Variants in SCMH1 observed in about 807,000 individuals in gnomAD.
SCMH1 encodes the protein Scm polycomb group protein homolog 1, also known as polycomb protein SCMH1.
In SCMH1, 37 loss-of-function variants were observed where a neutral mutation model predicts 70.8. The ratio of observed to expected loss-of-function variants is 0.52; its 90% CI spans 0.40 to 0.69. The LOEUF (loss-of-function observed/expected upper bound fraction) is 0.69, where lower values mean the gene tolerates loss of function less well. SCMH1 is among the 30% of genes least tolerant of loss of function. The probability of loss-of-function intolerance (pLI) is 0.00; values close to 1 mark genes in which losing one functional copy is unlikely to be tolerated. For synonymous variants in SCMH1, 292 were observed against 307.4 expected (o/e 0.95, Z 0.52); for missense variants, 607 against 827.3 (o/e 0.73, Z 3.27).
At chr1:41,061,873 A>AT (rs531137698) in intron 10 of SCMH1, among the ~76,000 whole-genome samples, 213 of 150,924 alleles carry the variant, frequency 1.4e-3, no homozygotes, top group African/African-American at 4.8e-3. Flanking sequence ...AAAATTTCTC[A>AT]TTTTTTTTTG....
intron 10 of SCMH1, among the ~76,000 whole-genome samples, chr1:41,062,274 T>C (rs1386096264): frequency 1.3e-5 from 2 of 151,834 alleles, no homozygotes; most frequent in Non-Finnish European, 2.9e-5. Flanking sequence ...AAATAACACA[T>C]AGGTCAAAGA....
At chr1:41,185,358 C>T (rs74069080) in intron 2 of SCMH1, among the ~76,000 whole-genome samples, 37,735 of 152,038 alleles carry the variant, frequency 0.25, 5,270 homozygotes, top group Non-Finnish European at 0.31. Context: ...GCTACTCTTC[C>T]GTATTCTTTG....
intron 2 of SCMH1, among the ~76,000 whole-genome samples, chr1:41,172,902 T>C (rs1646879850): frequency 6.6e-6 from 1 of 151,978 alleles, no homozygotes; most frequent in African/African-American, 2.4e-5. Context: ...AAAATAAAAC[T>C]AGATCCCTAC....
intron 6 of SCMH1, among the ~76,000 whole-genome samples, chr1:41,117,621 T>G (rs1367262054): frequency 6.6e-6 from 1 of 152,220 alleles, no homozygotes; most frequent in African/African-American, 2.4e-5. Flanking sequence ...GATGCTGTGC[T>G]TCAGTGGTCA....
At chr1:41,134,146 C>T (rs931972154) in intron 6 of SCMH1, among the ~76,000 whole-genome samples, 18 of 152,098 alleles carry the variant, frequency 1.2e-4, no homozygotes, top group Admixed American at 9.2e-4. Flanking sequence ...AATCAATAAA[C>T]GTAATCCATC....
intron 12 of SCMH1, among the ~76,000 whole-genome samples, chr1:41,044,592 T>C (rs944427851): frequency 6.6e-6 from 1 of 152,072 alleles, no homozygotes; most frequent in East Asian, 1.9e-4. Context: ...AGCAGACAAG[T>C]TGCTGAGCAC....
chr1:41,152,485 A>G, intron 4 of SCMH1: 1 of 1,123,286 alleles, frequency 8.9e-7, no homozygotes, highest in Non-Finnish European at 1.3e-6. Context: ...TGCTGGGGGA[A>G]GGGAAAACAT....
exon 13 of SCMH1, chr1:41,037,512 C>T (rs763865024): frequency 8.7e-6 from 14 of 1,613,976 alleles, no homozygotes; most frequent in Non-Finnish European, 1.2e-5. Flanking sequence ...AAGGAGCGGG[C>T]CAGACTATTC....
chr1:41,149,090 T>C (rs1644841090), intron 5 of SCMH1, among the ~76,000 whole-genome samples: 2 of 152,068 alleles, frequency 1.3e-5, no homozygotes, highest in Non-Finnish European at 2.9e-5. Context: ...CATGCCCAGC[T>C]GTTATTTTTA....
chr1:41,115,566 T>C (rs376261235), intron 7 of SCMH1, among the ~76,000 whole-genome samples: 2 of 152,224 alleles, frequency 1.3e-5, no homozygotes, highest in African/African-American at 4.8e-5. Flanking sequence ...GTCTCCCAAG[T>C]AGCTGCGACT....
Position 41,045,125 on chromosome 1 carries a change from T to C in SCMH1, c.1498+1282A>G, listed in dbSNP as rs574751089. ...TGGAGGTATTTAAAACTTGCCTTTGTCTGGACCAGCTCTACCATGCCCAGT... is the reference window on the plus strand; with the variant it reads ...TGGAGGTATTTAAAACTTGCCTTTGCCTGGACCAGCTCTACCATGCCCAGT... On this transcript the variant is annotated intron_variant, in intron 12 of 14. Coordinates refer to ENST00000337495, the Ensembl canonical transcript of SCMH1. Among the ~76,000 whole-genome samples the C allele has an allele frequency of 9.8e-5, 15 of 152,328 alleles. No individual in the cohort carries two copies. In the South Asian group the frequency reaches 2.5e-3, roughly 25 times the overall value.
rs1662427832 is a variant in SCMH1, at chr1:41,236,572, GAT to G, written c.-118+5485_-118+5486del. 2.0e-5 allele frequency among the ~76,000 whole-genome samples: 3 copies of G among 152,200 alleles called. No individual in the cohort carries two copies. In the South Asian group the frequency reaches 6.2e-4, roughly 32 times the overall value. ...TGATTCTGGGACAAAGATAACAGGT[GAT>G]AAGTCTTGCTGGGTTTATCTGGCGA... On this transcript the variant is annotated intron_variant, in intron 1 of 14. Transcript: ENST00000337495.
intron 2 of SCMH1, among the ~76,000 whole-genome samples, chr1:41,177,252 T>A (rs1017505727): frequency 4.5e-4 from 68 of 151,930 alleles, no homozygotes; most frequent in Non-Finnish European, 8.1e-4. Context: ...GTCACCATCA[T>A]CAAAGACTAA....
chr1:41,061,432 A>G (rs1255928439), intron 10 of SCMH1, among the ~76,000 whole-genome samples: 2 of 152,246 alleles, frequency 1.3e-5, no homozygotes, highest in Non-Finnish European at 2.9e-5. Flanking sequence ...TGGAGTAGCT[A>G]TATTAACTTC....
intron 1 of SCMH1, among the ~76,000 whole-genome samples, chr1:41,192,433 G>C (rs561115328): frequency 1.3e-5 from 2 of 150,962 alleles, no homozygotes; most frequent in Admixed American, 6.6e-5. Context: ...AGTTTCCTCC[G>C]CAGCAAAATA....
intron 7 of SCMH1, among the ~76,000 whole-genome samples, chr1:41,115,537 A>G (rs560778121): frequency 2.6e-5 from 4 of 152,280 alleles, no homozygotes; most frequent in African/African-American, 9.6e-5. Flanking sequence ...TCCTGGGCTT[A>G]AGCGATTCTT....
intron 1 of SCMH1, among the ~76,000 whole-genome samples, chr1:41,204,175 A>AT (rs2148743995): frequency 6.6e-6 from 1 of 152,298 alleles, no homozygotes; most frequent in Admixed American, 6.5e-5. Flanking sequence ...CTGGGAATCA[A>AT]AACAATGGAA....
chr1:41,177,866 C>G (rs1572861299), intron 2 of SCMH1, among the ~76,000 whole-genome samples: 1 of 152,120 alleles, frequency 6.6e-6, no homozygotes, highest in Admixed American at 6.5e-5. Flanking sequence ...GGCCAACATT[C>G]AAATTCAGGA....
intron 5 of SCMH1, among the ~76,000 whole-genome samples, chr1:41,147,028 A>G (rs1436598098): frequency 6.6e-6 from 1 of 152,152 alleles, no homozygotes; most frequent in Non-Finnish European, 1.5e-5. Context: ...GCAGCATATG[A>G]AAGTTCCATT....
Sources: allele counts gnomAD v4.1 joint callset (sites outside exome capture counted in the v4.1 genomes callset), GRCh38; gene constraint gnomAD v4.1.1; transcripts MANE v1.5; gene names NCBI Gene and HGNC (gene_info 2026-07-23, HGNC 2026-07-21).